ITGA2: variants seen among roughly 807,000 people sequenced by gnomAD.
ITGA2 encodes the protein integrin alpha-2.
ITGA2 carries 101 observed loss-of-function variants against 146.3 expected under a neutral mutation model. The ratio of observed to expected loss-of-function variants is 0.69; its 90% CI spans 0.59 to 0.81. The LOEUF (loss-of-function observed/expected upper bound fraction) is 0.81. Among genes scored for constraint, ITGA2 ranks in the 40% least tolerant of loss-of-function variants. The pLI is 0.00. For synonymous variants in ITGA2, 477 were observed against 487.1 expected, an observed-to-expected ratio of 0.98 and a Z score of 0.27; for missense variants, 1,281 against 1,402.7, an observed-to-expected ratio of 0.91 and a Z score of 1.39.
chr5:53,049,012 CT>C (rs111756330), intron 6 of ITGA2, among the ~76,000 whole-genome samples: 3,861 of 143,980 alleles, frequency 0.027, 66 homozygotes, highest in Non-Finnish European at 0.034. Context: ...TGGGACATAA[CT>C]TTTTTTTTTT....
At chr5:53,048,514 T>A (rs199626557) in intron 5 of ITGA2, 37 bp downstream of exon 5, 16 of 1,609,420 alleles carry the variant, frequency 9.9e-6, no homozygotes, top group Non-Finnish European at 1.4e-5. Flanking sequence ...GAGCAATGCC[T>A]TACAGTTAAA....
At chr5:53,017,250 G>A (rs1221162564) in intron 1 of ITGA2, among the ~76,000 whole-genome samples, 2 of 152,190 alleles carry the variant, frequency 1.3e-5, no homozygotes, top group African/African-American at 4.8e-5. Context: ...GCTACTTTTT[G>A]GATGGGTTGT....
intron 27 of ITGA2, among the ~76,000 whole-genome samples, chr5:53,084,670 G>A (rs1399779063): frequency 6.7e-6 from 1 of 149,164 alleles, no homozygotes; most frequent in South Asian, 2.1e-4. Flanking sequence ...GAAGCGTGCC[G>A]TTAGTTGTTA....
chr5:53,031,768 G>T (rs371560058), intron 2 of ITGA2, among the ~76,000 whole-genome samples: 1 of 152,338 alleles, frequency 6.6e-6, no homozygotes, highest in East Asian at 1.9e-4. Context: ...CCCTCTGGCT[G>T]TAAGTAAGGC....
chr5:53,012,847 TC>T (rs1216390955), intron 1 of ITGA2, among the ~76,000 whole-genome samples: 1 of 152,164 alleles, frequency 6.6e-6, no homozygotes, highest in Non-Finnish European at 1.5e-5. Context: ...TCTCTAAAGA[TC>T]AATGGTGTGG....
intron 1 of ITGA2, among the ~76,000 whole-genome samples, chr5:53,006,078 A>G (rs2111720824): frequency 6.6e-6 from 1 of 152,182 alleles, no homozygotes; most frequent in East Asian, 1.9e-4. Context: ...GCGAGGGGAG[A>G]GAGAGCATCA....
At chr5:53,051,260 A>G (rs1744346882) in intron 6 of ITGA2, 151 bp from the exon 7 acceptor site, 3 of 751,984 alleles carry the variant, frequency 4.0e-6, no homozygotes, top group Non-Finnish European at 6.8e-6. Context: ...TTCCATTGAA[A>G]GAAAAGTAAC....
chr5:53,047,906 G>C (rs182399724), intron 4 of ITGA2, among the ~76,000 whole-genome samples: 3 of 152,318 alleles, frequency 2.0e-5, no homozygotes, highest in Admixed American at 2.0e-4. Flanking sequence ...ATTGTTCTTA[G>C]TGTTTTGTAT....
At chr5:53,072,112 G>A in intron 18 of ITGA2, 64 bp downstream of exon 18, 1 of 1,123,578 alleles carries the variant, frequency 8.9e-7, no homozygotes, top group South Asian at 1.3e-5. Context: ...CACTGCAATA[G>A]TGTCTGAAGG....
intron 2 of ITGA2, among the ~76,000 whole-genome samples, chr5:53,040,667 A>C (rs1483724531): frequency 5.9e-5 from 9 of 152,248 alleles, no homozygotes; most frequent in Admixed American, 2.0e-4. Context: ...TCTAACGTTA[A>C]GGCTGACTGA....
intron 2 of ITGA2, among the ~76,000 whole-genome samples, chr5:53,034,596 T>C (rs1743396061): frequency 6.6e-6 from 1 of 152,176 alleles, no homozygotes; most frequent in African/African-American, 2.4e-5. Flanking sequence ...TTTAATGATC[T>C]ATAAAAATCC....
At chr5:53,017,942 G>T (rs942089880) in intron 1 of ITGA2, among the ~76,000 whole-genome samples, 12 of 152,108 alleles carry the variant, frequency 7.9e-5, no homozygotes, top group African/African-American at 2.7e-4. Flanking sequence ...GAGGCTGCAG[G>T]TAAACCATTA....
chr5:53,067,917 T>C (rs890723964), intron 16 of ITGA2, among the ~76,000 whole-genome samples: 10 of 151,866 alleles, frequency 6.6e-5, no homozygotes, highest in African/African-American at 2.4e-4. Context: ...CTTCAAAGCT[T>C]TTTCTAAGCA....
intron 1 of ITGA2, among the ~76,000 whole-genome samples, chr5:53,000,071 G>GTA (rs942717422): frequency 1.3e-5 from 2 of 152,038 alleles, no homozygotes; most frequent in Non-Finnish European, 2.9e-5. Context: ...TAGATTTTAA[G>GTA]TATACACACA....
At chr5:53,073,386 G>T in intron 20 of ITGA2, 127 bp downstream of exon 20, 2 of 1,023,788 alleles carry the variant, frequency 2.0e-6, no homozygotes, top group Non-Finnish European at 3.1e-6. Flanking sequence ...GAACTTTGTG[G>T]CTTCCGACTA....
intron 19 of ITGA2, 27 bp from the exon 20 acceptor site, chr5:53,073,091 T>TA: frequency 2.5e-6 from 4 of 1,609,160 alleles, no homozygotes; most frequent in Non-Finnish European, 2.5e-6. Context: ...GTAATGGCTT[T>TA]TCCCCCCTCC....
chr5:53,048,464 A>G lies in ITGA2; in HGVS notation c.489A>G (p.Ser163=), dbSNP rs749290895. The G allele has an allele frequency of 6.2e-7, 1 of 1,613,966 alleles. No homozygotes were observed. Among genetic ancestry groups the G allele is most frequent in the South Asian group, 1.1e-5 (1 of 91,072 alleles). The change falls in exon 5 of 30, where the codon TCA becomes TCG. Residue 163 remains serine (S), a synonymous_variant. Coordinates refer to ENST00000296585, the MANE Select transcript of ITGA2 (RefSeq NM_002203.4). The stretch of plus-strand genomic sequence containing the variant: ...ATTTTCAGCTCTCAGCCAGCTTCTC[A>G]CCTGCAACTCAGCGTAAGTTATTAA... ...SPDFQLSASF[S]PATQPCPSLI... is the part of the protein sequence containing the mutation.
At position 53,042,180 on chromosome 5, in the gene ITGA2, T is replaced by C. The variant is rs1299147287; in HGVS notation, c.254T>C (p.Val85Ala). 1.2e-6 allele frequency: 2 copies of C among 1,613,418 alleles called. No homozygotes were observed. The highest frequency in any genetic ancestry group is 2.2e-5 in the South Asian group (2 of 91,078). ...ATGGGAGATGTGTATAAATGTCCTG[T>C]TGACCTATCCACTGCCACATGTGAA... ...NRMGDVYKCPVDLSTATCEKL... is the reference protein window; with the variant it reads ...NRMGDVYKCPADLSTATCEKL... Residue 85 changes from valine (V) to alanine (A), a missense_variant, in exon 3 of 30, where the codon GTT becomes GCT. Physicochemically the swap from Val to Ala is moderately conservative, Grantham distance 64. Coordinates refer to ENST00000296585, the MANE Select transcript of ITGA2 (RefSeq NM_002203.4).
chr5:53,092,813 T>A lies in ITGA2; in HGVS notation c.*2214T>A, dbSNP rs926069999. 1 of 151,982 alleles carries A rather than the reference T, an allele frequency of 6.6e-6. No individual in the cohort carries two copies. Among genetic ancestry groups the A allele is most frequent in the African/African-American group, 2.4e-5 (1 of 41,350 alleles). 9.4% of individuals were successfully genotyped at this position (151,982 alleles called of 1,614,324 possible). ...GACCCTGTCTCAAAAAAATGACTAT[T>A]TAAAAAGACAATGTGGCCAGGCACG... On this transcript the variant is annotated 3_prime_UTR_variant, in exon 30 of 30. Transcript: ENST00000296585.
Sources: gnomAD v4.1 joint callset for allele counts (sites outside exome capture counted in the v4.1 genomes callset) on GRCh38, gnomAD v4.1.1 for gene constraint, MANE v1.5 for transcripts, NCBI Gene and HGNC (gene_info 2026-07-23, HGNC 2026-07-21) for gene names.